Variants in FBXW7 observed in about 807,000 individuals in gnomAD.
The protein encoded by FBXW7 is F-box and WD repeat domain containing 7, also known as F-box/WD repeat-containing protein 7.
In FBXW7, 11 loss-of-function variants were observed where a neutral mutation model predicts 86.3. The observed-to-expected ratio is 0.13, with a 90% CI of 0.08 to 0.21. The LOEUF is 0.21. FBXW7 is among the 10% of genes least tolerant of loss of function. The pLI is 1.00. For synonymous variants in FBXW7, 313 were observed against 297.9 expected (o/e 1.05, Z -0.52); for missense variants, 488 against 847.4 (o/e 0.58, Z 5.27).
intron 2 of FBXW7, among the ~76,000 whole-genome samples, chr4:152,496,888 A>G (rs1266780875): frequency 6.6e-6 from 1 of 152,246 alleles, no homozygotes; most frequent in Non-Finnish European, 1.5e-5. Flanking sequence ...ACCTTATCAG[A>G]TAACAAGATT....
chr4:152,376,928 A>G (rs1251355903), intron 4 of FBXW7, among the ~76,000 whole-genome samples: 3 of 152,046 alleles, frequency 2.0e-5, no homozygotes, highest in Non-Finnish European at 4.4e-5. Flanking sequence ...AGATAACTCT[A>G]TAACTAAAAA....
chr4:152,373,584 G>A lies in FBXW7; in HGVS notation c.502-23460C>T, dbSNP rs537971424. On this transcript the variant is annotated intron_variant, in intron 4 of 13. Coordinates refer to ENST00000281708, the MANE Select transcript of FBXW7 (RefSeq NM_001349798.2). ...TATGAAAAAACATAAGACAAGACAC[G>A]ATCCCAAGCAATGATACAAGTTCCC... 6.6e-5 allele frequency among the ~76,000 whole-genome samples: 10 copies of A among 151,968 alleles called. No homozygotes were observed. The South Asian group carries it at 1.0e-3, about 16-fold the overall frequency.
At chr4:152,384,815 G>T (rs1038145938) in intron 4 of FBXW7, among the ~76,000 whole-genome samples, 3 of 151,848 alleles carry the variant, frequency 2.0e-5, no homozygotes, top group Admixed American at 6.6e-5. Flanking sequence ...GAGAGTGTTG[G>T]AAACCTATAA....
Position 152,328,404 on chromosome 4 carries a change from A to C in FBXW7, c.1237-15T>G, listed in dbSNP as rs1382384781. The C allele has an allele frequency of 3.5e-6, 5 of 1,449,058 alleles. No individual in the cohort carries two copies. Among genetic ancestry groups the C allele is most frequent in the Non-Finnish European group, 3.6e-6 (4 of 1,097,044 alleles). 89.8% of individuals were successfully genotyped at this position (1,449,058 alleles called of 1,614,324 possible). A position where few individuals can be genotyped will look rare whatever the true frequency, so the allele number is the denominator to read the frequency against. On this transcript the variant is annotated splice_polypyrimidine_tract_variant and intron_variant, in intron 10 of 13. Transcript: ENST00000281708. ...GTTCTCAGACACTGGAAAAACACTTAAGATGATTACTTTTGGGTAGAAAGG... is the reference window on the plus strand; with the variant it reads ...GTTCTCAGACACTGGAAAAACACTTCAGATGATTACTTTTGGGTAGAAAGG...
chr4:152,442,255 G>A (rs898519414), intron 2 of FBXW7, among the ~76,000 whole-genome samples: 20 of 152,156 alleles, frequency 1.3e-4, no homozygotes, highest in African/African-American at 4.6e-4. Flanking sequence ...TACAGTGGTG[G>A]TTCTCAAACT....
At chr4:152,431,498 G>C (rs747566847) in intron 2 of FBXW7, among the ~76,000 whole-genome samples, 44 of 152,168 alleles carry the variant, frequency 2.9e-4, no homozygotes, top group Non-Finnish European at 8.8e-5. Context: ...GAAAAAAATG[G>C]TCTGCTTTGG....
chr4:152,385,477 C>A (rs1000046286), intron 4 of FBXW7, among the ~76,000 whole-genome samples: 1 of 151,914 alleles, frequency 6.6e-6, no homozygotes, highest in Non-Finnish European at 1.5e-5. Context: ...CTCAATGAGT[C>A]TGATCCTAAC....
intron 9 of FBXW7, 122 bp from the exon 10 acceptor site, chr4:152,329,907 A>G (rs971863416): frequency 6.4e-6 from 3 of 469,060 alleles, no homozygotes; most frequent in Non-Finnish European, 1.1e-5. Context: ...CTAGAATTTA[A>G]ATTTATATAA....
At position 152,535,829 on chromosome 4, in the gene FBXW7, C is replaced by CGGCTCT. The variant is rs1467575105; in HGVS notation, c.-921_-916dup. 121 of 392,480 alleles carry CGGCTCT rather than the reference C, an allele frequency of 3.1e-4. 1 individual carries two copies. Among genetic ancestry groups the CGGCTCT allele is most frequent in the Admixed American group, 1.1e-3 (24 of 22,330 alleles). The allele number at this position is 392,480 out of a possible 1,614,324, so 24.3% of individuals were successfully genotyped here. A position where few individuals can be genotyped will look rare whatever the true frequency, so the allele number is the denominator to read the frequency against. ...CCGGCTCCGGCTCAGGCTCGGGCTC[C>CGGCTCT]GGCTCTGGCTCCGGCTCCGGCGTGT... On this transcript the variant is annotated 5_prime_UTR_variant, in exon 1 of 14. Transcript: ENST00000281708.
At chr4:152,365,504 T>G (rs890598901) in intron 4 of FBXW7, among the ~76,000 whole-genome samples, 1 of 151,660 alleles carries the variant, frequency 6.6e-6, no homozygotes. Flanking sequence ...TGCATAGGAG[T>G]GGGCAGTTAA....
At chr4:152,465,132 T>C (rs935208184) in intron 2 of FBXW7, among the ~76,000 whole-genome samples, 3 of 152,014 alleles carry the variant, frequency 2.0e-5, no homozygotes, top group African/African-American at 7.2e-5. Context: ...ACCTATTATA[T>C]ATGGAAGCGA....
chr4:152,385,799 G>A lies in FBXW7; in HGVS notation c.501+25504C>T, dbSNP rs1484927909. ...CCTCAACTGGATAATACAGGGCATTGCAACTGTGGCAAACCAAACGCTGTA... is the reference window on the plus strand; with the variant it reads ...CCTCAACTGGATAATACAGGGCATTACAACTGTGGCAAACCAAACGCTGTA... On this transcript the variant is annotated intron_variant, in intron 4 of 13. Transcript: ENST00000281708. Among the ~76,000 whole-genome samples the A allele has an allele frequency of 5.9e-5, 9 of 152,110 alleles. No homozygotes were observed. The East Asian group carries it at 1.7e-3, about 29-fold the overall frequency.
At position 152,382,343 on chromosome 4, in the gene FBXW7, C is replaced by T. The variant is rs200538372; in HGVS notation, c.501+28960G>A. On this transcript the variant is annotated intron_variant, in intron 4 of 13. Coordinates refer to ENST00000281708, the MANE Select transcript of FBXW7 (RefSeq NM_001349798.2). ...TTTTCCCGGTTTTGACATTTTAAAA[C>T]TCCTCTTGGTTGACGAATACTCTCT... 7.7e-6 allele frequency: 12 copies of T among 1,563,996 alleles called. No individual in the cohort carries two copies. The East Asian group carries it at 2.8e-4, about 36-fold the overall frequency.
chr4:152,365,373 T>A (rs568891024), intron 4 of FBXW7, among the ~76,000 whole-genome samples: 1 of 152,264 alleles, frequency 6.6e-6, no homozygotes, highest in South Asian at 2.1e-4. Flanking sequence ...ATTCAAAGTG[T>A]AATGCTGAAA....
intron 2 of FBXW7, among the ~76,000 whole-genome samples, chr4:152,462,550 C>T (rs946017388): frequency 1.3e-5 from 2 of 152,172 alleles, no homozygotes; most frequent in East Asian, 1.9e-4. Flanking sequence ...CCAGGCTACC[C>T]GTAACTTCTT....
chr4:152,463,933 T>G (rs1437772934), intron 2 of FBXW7, among the ~76,000 whole-genome samples: 1 of 151,898 alleles, frequency 6.6e-6, no homozygotes, highest in Admixed American at 6.6e-5. Context: ...ACCATTAAGG[T>G]TTATTACAGA....
chr4:152,435,857 A>T (rs954692044), intron 2 of FBXW7, among the ~76,000 whole-genome samples: 3 of 152,194 alleles, frequency 2.0e-5, no homozygotes, highest in African/African-American at 7.2e-5. Context: ...TTCTTGCAGT[A>T]TTTCAAACTT....
intron 2 of FBXW7, among the ~76,000 whole-genome samples, chr4:152,453,616 G>GA: frequency 6.6e-6 from 1 of 152,134 alleles, no homozygotes; most frequent in East Asian, 1.9e-4. Context: ...CAGGTAAGGA[G>GA]AAAAAATACA....
intron 2 of FBXW7, among the ~76,000 whole-genome samples, chr4:152,493,951 ATAAAC>A (rs1212460115): frequency 6.6e-6 from 1 of 152,222 alleles, no homozygotes; most frequent in Non-Finnish European, 1.5e-5. Flanking sequence ...AGTGGAATGA[ATAAAC>A]TAAACAGGTG....
Sources: allele counts gnomAD v4.1 joint callset (sites outside exome capture counted in the v4.1 genomes callset), GRCh38; gene constraint gnomAD v4.1.1; transcripts MANE v1.5; gene names NCBI Gene and HGNC (gene_info 2026-07-23, HGNC 2026-07-21).